Variants in TNNI3K observed in about 807,000 individuals in gnomAD.
TNNI3K encodes TNNI3 interacting kinase, also known as serine/threonine-protein kinase TNNI3K.
A neutral mutation model predicts 114.5 loss-of-function variants in TNNI3K; 140 were observed. The observed-to-expected ratio is 1.22, with a 90% CI of 1.07 to 1.41. The LOEUF (loss-of-function observed/expected upper bound fraction) is 1.41, where lower values mean the gene tolerates loss of function less well. TNNI3K is among the 40% of genes most tolerant of loss of function. The pLI is 0.00. For synonymous variants in TNNI3K, 347 were observed against 347.5 expected (o/e 1.00, Z 0.02); for missense variants, 1,125 against 1,007.6 (o/e 1.12, Z -1.58).
At chr1:74,498,800 C>G in intron 23 of TNNI3K, among the ~76,000 whole-genome samples, 1 of 152,002 alleles carries the variant, frequency 6.6e-6, no homozygotes, top group Non-Finnish European at 1.5e-5. Context: ...ATATAGGTGA[C>G]TAAGATGTGT....
intron 20 of TNNI3K, among the ~76,000 whole-genome samples, chr1:74,460,803 G>A (rs1212570099): frequency 6.6e-6 from 1 of 152,246 alleles, no homozygotes; most frequent in African/African-American, 2.4e-5. Context: ...GCAAAGGGGA[G>A]GAGATGCCAA....
At chr1:74,252,733 C>G (rs1006335194) in intron 4 of TNNI3K, among the ~76,000 whole-genome samples, 7 of 151,738 alleles carry the variant, frequency 4.6e-5, no homozygotes, top group Non-Finnish European at 8.8e-5. Flanking sequence ...TCATTCCTCC[C>G]CGTGGGTTCG....
chr1:74,431,192 G>T lies in TNNI3K; in HGVS notation c.1773-4888G>T, dbSNP rs367595839. 3.3e-5 allele frequency among the ~76,000 whole-genome samples: 5 copies of T among 152,112 alleles called. No individual in the cohort carries two copies. The East Asian group carries it at 9.7e-4, about 30-fold the overall frequency. Reference sequence around the variant, plus strand: ...AAGATGAGAAAAAGAGTCTCAAAAAGTTAAAGTATTATAATTTGGCCAAAA... The same window carrying T: ...AAGATGAGAAAAAGAGTCTCAAAAATTTAAAGTATTATAATTTGGCCAAAA... On this transcript the variant is annotated intron_variant, in intron 17 of 24. Transcript: ENST00000326637.
intron 17 of TNNI3K, among the ~76,000 whole-genome samples, chr1:74,406,948 CT>C (rs747357173): frequency 2.2e-4 from 34 of 152,206 alleles, no homozygotes; most frequent in Non-Finnish European, 2.9e-4. Context: ...TCCTTATCCT[CT>C]TCTGGCACTC....
intron 5 of TNNI3K, among the ~76,000 whole-genome samples, chr1:74,287,085 A>G (rs1657375315): frequency 6.8e-6 from 1 of 146,942 alleles, no homozygotes; most frequent in Non-Finnish European, 1.5e-5. Flanking sequence ...ACTTCAACAC[A>G]AACTTGATCA....
intron 23 of TNNI3K, among the ~76,000 whole-genome samples, chr1:74,528,112 G>T (rs1646531074): frequency 6.6e-6 from 1 of 152,190 alleles, no homozygotes; most frequent in African/African-American, 2.4e-5. Context: ...GCTCAAGTAA[G>T]GCCAGAGCCC....
At chr1:74,391,966 T>TC (rs559009400) in intron 17 of TNNI3K, among the ~76,000 whole-genome samples, 1 of 134,882 alleles carries the variant, frequency 7.4e-6, no homozygotes, top group Non-Finnish European at 1.6e-5. Flanking sequence ...TATTTTTTTT[T>TC]TTTTTTTTTT....
At chr1:74,542,087 A>G (rs1646733827) in intron 24 of TNNI3K, among the ~76,000 whole-genome samples, 1 of 152,196 alleles carries the variant, frequency 6.6e-6, no homozygotes, top group African/African-American at 2.4e-5. Flanking sequence ...TTCTTCTTAA[A>G]CTGAGTGGGT....
intron 11 of TNNI3K, among the ~76,000 whole-genome samples, chr1:74,359,105 T>C (rs1452106198): frequency 1.3e-5 from 2 of 151,996 alleles, no homozygotes; most frequent in African/African-American, 4.8e-5. Flanking sequence ...GAATTCAAGC[T>C]CTTACCAACA....
At chr1:74,373,144 A>G (rs1329919645) in intron 17 of TNNI3K, 2 of 151,896 alleles carry the variant, frequency 1.3e-5, no homozygotes, top group African/African-American at 2.4e-5. Flanking sequence ...TTACTGCACT[A>G]CTTGGCAAAT....
intron 11 of TNNI3K, among the ~76,000 whole-genome samples, chr1:74,360,618 A>G (rs1661911003): frequency 6.6e-6 from 1 of 152,036 alleles, no homozygotes; most frequent in Admixed American, 6.6e-5. Flanking sequence ...AGACTTTTAC[A>G]TGGCAGTCCA....
chr1:74,236,906 C>A (rs1297791840), intron 2 of TNNI3K, among the ~76,000 whole-genome samples: 2 of 151,794 alleles, frequency 1.3e-5, no homozygotes, highest in African/African-American at 4.8e-5. Context: ...AAGAAAGTTA[C>A]CTGCCTGACT....
chr1:74,318,315 C>G (rs1467100794), intron 5 of TNNI3K, among the ~76,000 whole-genome samples: 1 of 152,170 alleles, frequency 6.6e-6, no homozygotes, highest in Non-Finnish European at 1.5e-5. Context: ...TTGAGAGATT[C>G]TGATTCAGTA....
chr1:74,251,810 A>G (rs1035165331), intron 4 of TNNI3K, among the ~76,000 whole-genome samples: 1 of 152,178 alleles, frequency 6.6e-6, no homozygotes, highest in Admixed American at 6.5e-5. Context: ...AAATTCCTGT[A>G]ATTCATAGCG....
chr1:74,487,944 T>C (rs1668850999), intron 21 of TNNI3K, among the ~76,000 whole-genome samples: 2 of 151,954 alleles, frequency 1.3e-5, no homozygotes, highest in South Asian at 4.2e-4. Context: ...GGTGGAGGCA[T>C]TGGTCATGAC....
intron 17 of TNNI3K, among the ~76,000 whole-genome samples, chr1:74,416,950 A>C (rs1570594605): frequency 6.6e-6 from 1 of 152,166 alleles, no homozygotes; most frequent in Non-Finnish European, 1.5e-5. Context: ...AAAAGACTTG[A>C]CTAGGGTGTC....
At chr1:74,338,799 G>T (rs1276987431) in intron 7 of TNNI3K, among the ~76,000 whole-genome samples, 3 of 152,114 alleles carry the variant, frequency 2.0e-5, no homozygotes, top group Admixed American at 6.6e-5. Flanking sequence ...AACATAGCTT[G>T]CATTGTTTTC....
intron 17 of TNNI3K, among the ~76,000 whole-genome samples, chr1:74,377,436 A>G (rs1570544944): frequency 6.6e-6 from 1 of 152,042 alleles, no homozygotes; most frequent in East Asian, 1.9e-4. Flanking sequence ...TAATTTATGA[A>G]TGACACTAGA....
rs1306324441 is a variant in TNNI3K, at chr1:74,369,552, GTTC to G, written c.1636_1638del (p.Ser546del). On this transcript the variant is annotated inframe_deletion, in exon 16 of 25. Transcript: ENST00000326637. ...ATTGTCACTCAATACATATCAGGGG[GTTC>G]TCTGTTCTCCCTCCTTCATGAGCAG... is the stretch of plus-strand genomic sequence containing the variant. 1 of 1,610,796 alleles carries G rather than the reference GTTC, an allele frequency of 6.2e-7. No homozygotes were observed.
Sources: gnomAD v4.1 joint callset for allele counts (sites outside exome capture counted in the v4.1 genomes callset) on GRCh38, gnomAD v4.1.1 for gene constraint, MANE v1.5 for transcripts, NCBI Gene and HGNC (gene_info 2026-07-23, HGNC 2026-07-21) for gene names.